Variants in TENM2 observed in about 807,000 individuals in gnomAD.
TENM2 encodes teneurin transmembrane protein 2, also known as teneurin-2.
TENM2 carries 52 observed loss-of-function variants against 245.2 expected under a neutral mutation model. The observed-to-expected ratio is 0.21, with a 90% CI of 0.17 to 0.27. TENM2 has a LOEUF of 0.27. TENM2 is among the 10% of genes least tolerant of loss of function. The probability of loss-of-function intolerance (pLI) is 1.00; values close to 1 mark genes in which losing one functional copy is unlikely to be tolerated. For missense variants in TENM2, 3,046 were observed against 3,666.8 expected (o/e 0.83, Z 4.37); for synonymous variants, 1,363 against 1,438.9 (o/e 0.95, Z 1.19).
chr5:167,238,694 C>CAAAAAAAAAAAAAAAAAAAAAAAAAAA, the TENM2 span, among the ~76,000 whole-genome samples: 1 of 58,120 alleles, frequency 1.7e-5, no homozygotes. Context: ...ACAGGAGATG[C>CAAAAAAAAAAAAAAAAAAAAAAAAAAA]AAAAAAAAAA....
intron 25 of TENM2, among the ~76,000 whole-genome samples, chr5:168,238,482 AG>A (rs1477663385): frequency 6.6e-6 from 1 of 152,202 alleles, no homozygotes; most frequent in Non-Finnish European, 1.5e-5. Context: ...TACTCAAAGC[AG>A]GATGGGCAAA....
At chr5:167,427,894 CGGAAA>C (rs1294989932) in intron 2 of TENM2, among the ~76,000 whole-genome samples, 115 of 72,588 alleles carry the variant, frequency 1.6e-3, no homozygotes, top group Middle Eastern at 0.015. Flanking sequence ...GAAGGAAGGA[CGGAAA>C]GGAAGGGAAG....
chr5:167,764,753 A>G (rs974199606), intron 2 of TENM2, among the ~76,000 whole-genome samples: 4 of 152,132 alleles, frequency 2.6e-5, no homozygotes, highest in African/African-American at 9.7e-5. Context: ...TGATCTCTGA[A>G]TGAATGTGCC....
chr5:168,224,343 C>T (rs965752311), intron 23 of TENM2, among the ~76,000 whole-genome samples: 6 of 152,154 alleles, frequency 3.9e-5, no homozygotes, highest in African/African-American at 1.4e-4. Context: ...TCCAAGATCT[C>T]CCTCCTCTCT....
exon 3 of TENM2, chr5:167,876,036 C>G (rs747588463): frequency 6.4e-7 from 1 of 1,551,570 alleles, no homozygotes; most frequent in Admixed American, 2.0e-5. Flanking sequence ...ATCTGCTCAG[C>G]TGCCTAGCTC....
chr5:168,006,546 C>T (rs893983844), intron 5 of TENM2, among the ~76,000 whole-genome samples: 3 of 152,146 alleles, frequency 2.0e-5, no homozygotes, highest in Admixed American at 2.0e-4. Context: ...ATTCCAAATA[C>T]TAACTGGGGC....
At chr5:168,240,021 G>A (rs931137021) in intron 25 of TENM2, among the ~76,000 whole-genome samples, 1 of 152,120 alleles carries the variant, frequency 6.6e-6, no homozygotes, top group African/African-American at 2.4e-5. Flanking sequence ...AGTTTGAGAC[G>A]AGCCTGACCA....
chr5:167,779,269 G>C (rs1002682718), intron 2 of TENM2, among the ~76,000 whole-genome samples: 1 of 152,116 alleles, frequency 6.6e-6, no homozygotes, highest in African/African-American at 2.4e-5. Context: ...CTAGTGTGTT[G>C]GGCAACAGGG....
At chr5:167,063,544 A>G in the TENM2 span, among the ~76,000 whole-genome samples, 1 of 151,952 alleles carries the variant, frequency 6.6e-6, no homozygotes, top group Non-Finnish European at 1.5e-5. Flanking sequence ...GGGGTGGGGG[A>G]ATCTCATTTT....
the TENM2 span, among the ~76,000 whole-genome samples, chr5:167,037,639 G>T: frequency 6.6e-6 from 1 of 152,132 alleles, no homozygotes; most frequent in Non-Finnish European, 1.5e-5. Flanking sequence ...TGTAAAACTT[G>T]CAGAAGGAGT....
the TENM2 span, among the ~76,000 whole-genome samples, chr5:167,278,940 C>G: frequency 2.0e-5 from 3 of 152,162 alleles, no homozygotes; most frequent in African/African-American, 7.2e-5. Flanking sequence ...AGAACTAACT[C>G]TTTAGCTATT....
At chr5:167,439,640 C>T (rs1413442123) in intron 2 of TENM2, among the ~76,000 whole-genome samples, 3 of 152,188 alleles carry the variant, frequency 2.0e-5, no homozygotes, top group East Asian at 1.9e-4. Context: ...AATTAACATG[C>T]ACGAATAATA....
At position 168,136,614 on chromosome 5, in the gene TENM2, A is replaced by C. The variant is rs565856343; in HGVS notation, c.2422+9648A>C. Reference sequence around the variant, plus strand: ...AGTTCCTTTGAGAAGACAAACCTTCACTTTTTGCCAATAGTGGCTCTCCCA... The same window carrying C: ...AGTTCCTTTGAGAAGACAAACCTTCCCTTTTTGCCAATAGTGGCTCTCCCA... On this transcript the variant is annotated intron_variant, in intron 12 of 28. Transcript: ENST00000518659. Among the ~76,000 whole-genome samples, 48 of 152,174 alleles carry C rather than the reference A, an allele frequency of 3.2e-4. 1 individual carries two copies. The highest frequency in any genetic ancestry group is 6.0e-4 in the Non-Finnish European group (41 of 68,016).
At chr5:168,232,329 A>G (rs1019955286) in intron 25 of TENM2, 1 of 152,208 alleles carries the variant, frequency 6.6e-6, no homozygotes, top group Non-Finnish European at 1.5e-5. Flanking sequence ...CCCCATGATC[A>G]TGTAAACTGG....
chr5:168,138,018 C>G (rs1696268644), intron 12 of TENM2, among the ~76,000 whole-genome samples: 1 of 150,464 alleles, frequency 6.6e-6, no homozygotes, highest in South Asian at 2.1e-4. Flanking sequence ...AACTCTCAAT[C>G]ATCTCCCACG....
chr5:167,303,644 A>T (rs962685748), intron 1 of TENM2, among the ~76,000 whole-genome samples: 1 of 152,100 alleles, frequency 6.6e-6, no homozygotes, highest in Admixed American at 6.5e-5. Context: ...GTCACAGGGG[A>T]TATGATGGCT....
At chr5:167,614,459 G>A (rs1280894488) in intron 2 of TENM2, among the ~76,000 whole-genome samples, 1 of 152,074 alleles carries the variant, frequency 6.6e-6, no homozygotes, top group Admixed American at 6.6e-5. Flanking sequence ...CAGGCCCCAG[G>A]CTTCTGTGCC....
At chr5:167,365,068 A>G (rs1561897059) in intron 1 of TENM2, among the ~76,000 whole-genome samples, 1 of 152,074 alleles carries the variant, frequency 6.6e-6, no homozygotes, top group Non-Finnish European at 1.5e-5. Flanking sequence ...ATAAGTCTCA[A>G]TAAGTTTCAA....
intron 4 of TENM2, among the ~76,000 whole-genome samples, chr5:167,980,458 G>T (rs547188927): frequency 6.6e-6 from 1 of 152,216 alleles, no homozygotes; most frequent in African/African-American, 2.4e-5. Flanking sequence ...CCAGACTGAG[G>T]GAAACACAGT....
Sources: allele counts gnomAD v4.1 joint callset (sites outside exome capture counted in the v4.1 genomes callset), GRCh38; gene constraint gnomAD v4.1.1; transcripts MANE v1.5; gene names NCBI Gene and HGNC (gene_info 2026-07-23, HGNC 2026-07-21).